Variants in GALNTL6 observed in about 807,000 individuals in gnomAD.
GALNTL6 encodes the protein polypeptide N-acetylgalactosaminyltransferase like 6.
Under a neutral mutation model 73.7 loss-of-function variants are expected in GALNTL6, and 46 were observed. That is an observed-to-expected ratio of 0.62 (90% confidence interval 0.49 to 0.80). The LOEUF is 0.80. GALNTL6 is among the 30% of genes least tolerant of loss of function. The probability of loss-of-function intolerance (pLI) is 0.00; values close to 1 mark genes in which losing one functional copy is unlikely to be tolerated. For synonymous variants in GALNTL6, 259 were observed against 263.7 expected, an observed-to-expected ratio of 0.98 and a Z score of 0.17; for missense variants, 604 against 755.0, an observed-to-expected ratio of 0.80 and a Z score of 2.34.
chr4:172,336,061 A>G (rs1013188816), intron 4 of GALNTL6, among the ~76,000 whole-genome samples: 1 of 152,014 alleles, frequency 6.6e-6, no homozygotes, highest in Admixed American at 6.6e-5. Context: ...AGACCATTCT[A>G]ACTTCTTGAC....
intron 2 of GALNTL6, among the ~76,000 whole-genome samples, chr4:172,228,993 G>A (rs1325004822): frequency 3.3e-5 from 5 of 152,180 alleles, no homozygotes; most frequent in African/African-American, 1.2e-4. Context: ...AAATCTAGAT[G>A]AGAGACAGTA....
intron 7 of GALNTL6, among the ~76,000 whole-genome samples, chr4:172,819,744 G>A (rs2125601): frequency 0.17 from 25,782 of 152,096 alleles, 2,526 homozygotes; most frequent in Admixed American, 0.25. Context: ...GCTCATAGAG[G>A]TTAAGCAGTT....
At chr4:172,423,583 T>C (rs1561076532) in intron 5 of GALNTL6, among the ~76,000 whole-genome samples, 1 of 152,082 alleles carries the variant, frequency 6.6e-6, no homozygotes, top group African/African-American at 2.4e-5. Flanking sequence ...ACTACATTAT[T>C]TAAATTTGCA....
At chr4:173,017,812 T>C (rs1429431030) in intron 11 of GALNTL6, among the ~76,000 whole-genome samples, 1 of 152,194 alleles carries the variant, frequency 6.6e-6, no homozygotes, top group Non-Finnish European at 1.5e-5. Flanking sequence ...GATATAATTG[T>C]GACAATAGGT....
chr4:172,868,205 A>G (rs1744756144), intron 7 of GALNTL6, among the ~76,000 whole-genome samples: 1 of 152,214 alleles, frequency 6.6e-6, no homozygotes, highest in African/African-American at 2.4e-5. Flanking sequence ...ATATAGATAT[A>G]TGATTCAAAT....
intron 4 of GALNTL6, among the ~76,000 whole-genome samples, chr4:172,342,543 A>G (rs1259831044): frequency 2.0e-5 from 3 of 152,182 alleles, no homozygotes; most frequent in African/African-American, 4.8e-5. Flanking sequence ...TCAATTCTCA[A>G]TTAAATGGGG....
In GALNTL6 at chr4:172,020,002, A is replaced by T. The variant is rs1290125514; in HGVS notation, c.138+205284A>T. 3.3e-5 allele frequency among the ~76,000 whole-genome samples: 5 copies of T among 152,260 alleles called. No individual in the cohort carries two copies. The East Asian group carries it at 9.7e-4, about 29-fold the overall frequency. ...TCATAATGTAATAAAACTAGAAATC[A>T]ATAATAGGAATTTTGGAAACTATGC... On this transcript the variant is annotated intron_variant, in intron 2 of 12. Transcript: ENST00000506823.
At chr4:171,918,962 T>C (rs1737704938) in intron 2 of GALNTL6, among the ~76,000 whole-genome samples, 1 of 151,980 alleles carries the variant, frequency 6.6e-6, no homozygotes, top group Non-Finnish European at 1.5e-5. Flanking sequence ...CAGAGTAGAA[T>C]AGTAGTACCA....
At position 173,035,705 on chromosome 4, in the gene GALNTL6, T is replaced by C. The variant is rs149871811; in HGVS notation, c.1639-4228T>C. Among the ~76,000 whole-genome samples, 665 of 152,332 alleles carry C rather than the reference T, an allele frequency of 4.4e-3. 8 individuals are homozygous for C. The highest frequency in any genetic ancestry group is 0.021 in the Admixed American group (327 of 15,300). Reference sequence around the variant, plus strand: ...GATCATAATTGCACAGAAGAGCTCATTTCAGAGCCATAGATACCTTCTCTC... The same window carrying C: ...GATCATAATTGCACAGAAGAGCTCACTTCAGAGCCATAGATACCTTCTCTC... On this transcript the variant is annotated intron_variant, in intron 12 of 12. Transcript: ENST00000506823.
chr4:171,980,587 T>C (rs193125089), intron 2 of GALNTL6, among the ~76,000 whole-genome samples: 6 of 152,220 alleles, frequency 3.9e-5, no homozygotes, highest in Admixed American at 3.9e-4. Flanking sequence ...AGAAAAGACA[T>C]ACAAATTATA....
chr4:172,377,083 C>T (rs976259941), intron 5 of GALNTL6, among the ~76,000 whole-genome samples: 5 of 152,164 alleles, frequency 3.3e-5, no homozygotes, highest in Non-Finnish European at 5.9e-5. Context: ...GTTGCCACTG[C>T]TGGCTCGGGC....
intron 5 of GALNTL6, among the ~76,000 whole-genome samples, chr4:172,542,110 G>A (rs557440050): frequency 6.6e-6 from 1 of 151,726 alleles, no homozygotes; most frequent in East Asian, 2.0e-4. Flanking sequence ...AAGAGAAACA[G>A]CTTTATAGAG....
rs1442363188 is a variant in GALNTL6, at chr4:172,069,597, C to A, written c.139-160059C>A. Among the ~76,000 whole-genome samples the A allele has an allele frequency of 6.0e-5, 2 of 33,142 alleles. 1 individual carries two copies. Among genetic ancestry groups the A allele is most frequent in the African/African-American group, 1.3e-4 (2 of 15,860 alleles). The allele number at this position is 33,142 out of a possible 152,430, so 21.7% of individuals were successfully genotyped here. ...TATGTTATATATTATATATATAACA[C>A]ATATATGTTATATATATATAACATA... On this transcript the variant is annotated intron_variant, in intron 2 of 12. Transcript: ENST00000506823.
intron 5 of GALNTL6, among the ~76,000 whole-genome samples, chr4:172,727,213 C>A (rs2111377464): frequency 6.6e-6 from 1 of 152,278 alleles, no homozygotes; most frequent in East Asian, 1.9e-4. Context: ...AAAAACCTGG[C>A]CACTCTACTG....
At chr4:172,502,968 T>C (rs1327537731) in intron 5 of GALNTL6, among the ~76,000 whole-genome samples, 3 of 152,144 alleles carry the variant, frequency 2.0e-5, no homozygotes, top group South Asian at 2.1e-4. Flanking sequence ...GCAAACTAAA[T>C]ATTACAGAAA....
intron 7 of GALNTL6, among the ~76,000 whole-genome samples, chr4:172,875,259 T>C (rs1469638131): frequency 6.6e-6 from 1 of 152,146 alleles, no homozygotes; most frequent in Non-Finnish European, 1.5e-5. Context: ...AGAAAATGAT[T>C]AATAATTGAA....
At chr4:172,115,200 A>C (rs574327689) in intron 2 of GALNTL6, among the ~76,000 whole-genome samples, 1 of 152,222 alleles carries the variant, frequency 6.6e-6, no homozygotes, top group East Asian at 1.9e-4. Context: ...ATTGAATACC[A>C]AAGGCCTTGT....
At chr4:171,944,457 T>A (rs1738642695) in intron 2 of GALNTL6, among the ~76,000 whole-genome samples, 1 of 152,074 alleles carries the variant, frequency 6.6e-6, no homozygotes, top group Non-Finnish European at 1.5e-5. Context: ...AAACATTTAG[T>A]ATGAGTCTCT....
chr4:172,883,378 A>G (rs1390817712), intron 8 of GALNTL6, among the ~76,000 whole-genome samples: 1 of 152,242 alleles, frequency 6.6e-6, no homozygotes, highest in Non-Finnish European at 1.5e-5. Context: ...ACAGTTCTGC[A>G]GGCTGCACAA....
Sources: gnomAD v4.1 joint callset for allele counts (sites outside exome capture counted in the v4.1 genomes callset) on GRCh38, gnomAD v4.1.1 for gene constraint, MANE v1.5 for transcripts, NCBI Gene and HGNC (gene_info 2026-07-23, HGNC 2026-07-21) for gene names.